Variants in EYS observed in about 807,000 individuals in gnomAD.
The protein encoded by EYS is EGF-like photoreceptor maintenance factor, also known as protein eyes shut homolog.
Under a neutral mutation model 282.1 loss-of-function variants are expected in EYS, and 250 were observed. The observed-to-expected ratio is 0.89, with a 90% CI of 0.80 to 0.98. The LOEUF is 0.98. Ranked by LOEUF, EYS falls within the 50% of genes least tolerant of loss-of-function variation. The pLI, the probability that EYS is intolerant of heterozygous loss-of-function variation, is 0.00. For synonymous variants in EYS, 1,355 were observed against 1,282.9 expected, an observed-to-expected ratio of 1.06 and a Z score of -1.20; for missense variants, 4,016 against 3,709.0, an observed-to-expected ratio of 1.08 and a Z score of -2.15.
intron 22 of EYS, among the ~76,000 whole-genome samples, chr6:64,764,977 A>G (rs1263312820): frequency 6.6e-6 from 1 of 152,062 alleles, no homozygotes; most frequent in Non-Finnish European, 1.5e-5. Flanking sequence ...CCTCAGATGT[A>G]CCACCTACCT....
At chr6:65,623,524 T>A (rs1392474619) in intron 2 of EYS, among the ~76,000 whole-genome samples, 1 of 152,136 alleles carries the variant, frequency 6.6e-6, no homozygotes, top group Non-Finnish European at 1.5e-5. Context: ...TTTTTATGAA[T>A]TTACACTTAC....
rs1554205545 is a variant in EYS, at chr6:65,517,347, A to AAT, written c.-332-21355_-332-21354insAT. 8.6e-4 allele frequency among the ~76,000 whole-genome samples: 130 copies of AAT among 151,634 alleles called. 1 individual carries two copies. The highest frequency in any genetic ancestry group is 2.8e-3 in the African/African-American group (116 of 41,352). On this transcript the variant is annotated intron_variant, in intron 2 of 42. Coordinates refer to ENST00000503581, the MANE Select transcript of EYS (RefSeq NM_001142800.2). ...GTTTTTTTCAAAACAACAACAAAAA[A>AAT]AAAACAAAAGCTCAAACCTTAAACC...
intron 9 of EYS, among the ~76,000 whole-genome samples, chr6:65,345,038 T>G (rs1290544409): frequency 6.6e-6 from 1 of 151,668 alleles, no homozygotes; most frequent in Non-Finnish European, 1.5e-5. Context: ...GAAAATAGAA[T>G]GTAAGCTATG....
chr6:64,547,678 C>T (rs1209522447), intron 26 of EYS, among the ~76,000 whole-genome samples: 1 of 152,242 alleles, frequency 6.6e-6, no homozygotes, highest in Non-Finnish European at 1.5e-5. Context: ...GGATCCCATA[C>T]TGGGGCTGCA....
intron 2 of EYS, among the ~76,000 whole-genome samples, chr6:65,552,866 T>A (rs1768649616): frequency 6.7e-6 from 1 of 149,074 alleles, no homozygotes; most frequent in Non-Finnish European, 1.5e-5. Context: ...TTCAAATTTG[T>A]GATCAGAGGC....
chr6:64,406,918 T>G (rs1289775052), intron 28 of EYS, among the ~76,000 whole-genome samples: 1 of 152,110 alleles, frequency 6.6e-6, no homozygotes, highest in African/African-American at 2.4e-5. Flanking sequence ...GATCTAGAAC[T>G]AGAAAATTGA....
At chr6:64,570,360 G>A (rs563800947) in intron 26 of EYS, among the ~76,000 whole-genome samples, 2 of 152,178 alleles carry the variant, frequency 1.3e-5, no homozygotes, top group African/African-American at 4.8e-5. Context: ...AAAAACCATC[G>A]ACACTATGAA....
At chr6:64,881,583 T>C (rs1003395256) in intron 19 of EYS, among the ~76,000 whole-genome samples, 2 of 151,846 alleles carry the variant, frequency 1.3e-5, no homozygotes, top group Non-Finnish European at 2.9e-5. Context: ...TAAGCTCCTT[T>C]AGGGTAGGGA....
intron 30 of EYS, among the ~76,000 whole-genome samples, chr6:64,290,566 A>G (rs1378359763): frequency 1.3e-5 from 2 of 152,022 alleles, no homozygotes; most frequent in Non-Finnish European, 2.9e-5. Flanking sequence ...CTCGCTTAGC[A>G]GTCTAATGCT....
At chr6:64,204,571 A>G (rs1046357706) in intron 31 of EYS, among the ~76,000 whole-genome samples, 2 of 152,158 alleles carry the variant, frequency 1.3e-5, no homozygotes, top group African/African-American at 4.8e-5. Flanking sequence ...TCTCAAAAAC[A>G]CGCTGCAAGA....
At chr6:65,604,217 G>A (rs893821660) in intron 2 of EYS, among the ~76,000 whole-genome samples, 3 of 151,786 alleles carry the variant, frequency 2.0e-5, no homozygotes, top group Non-Finnish European at 4.4e-5. Flanking sequence ...AATATGGGAG[G>A]GAGTTGATGT....
intron 24 of EYS, among the ~76,000 whole-genome samples, chr6:64,616,337 A>G (rs1430692845): frequency 6.6e-6 from 1 of 152,132 alleles, no homozygotes; most frequent in African/African-American, 2.4e-5. Context: ...CCAAAGATCT[A>G]TCGCTTTTGT....
chr6:63,908,012 GTA>G (rs57451331), intron 35 of EYS, among the ~76,000 whole-genome samples: 102,811 of 131,004 alleles, frequency 0.78, 41,015 homozygotes, highest in Admixed American at 0.86. Context: ...ACACACAAAC[GTA>G]TATATATATA....
At chr6:65,692,029 C>T (rs1053721093) in intron 1 of EYS, among the ~76,000 whole-genome samples, 2 of 149,956 alleles carry the variant, frequency 1.3e-5, no homozygotes, top group African/African-American at 4.9e-5. Context: ...CTTAAGAGTC[C>T]ATCAGTGGAT....
chr6:65,303,718 CA>C (rs1170832321), intron 11 of EYS: 1 of 549,424 alleles, frequency 1.8e-6, no homozygotes, highest in East Asian at 2.9e-5. Context: ...GAAGCTCCTC[CA>C]CTATCCGTAT....
intron 37 of EYS, among the ~76,000 whole-genome samples, chr6:63,793,711 G>A (rs74677423): frequency 0.012 from 1,814 of 152,096 alleles, 29 homozygotes; most frequent in African/African-American, 0.042. Flanking sequence ...TACCTTTAAC[G>A]GCATTTCTCC....
intron 5 of EYS, among the ~76,000 whole-genome samples, chr6:65,484,997 T>A (rs1765737217): frequency 6.6e-6 from 1 of 152,240 alleles, no homozygotes; most frequent in South Asian, 2.1e-4. Flanking sequence ...ATATTTACTA[T>A]CTAACTCTTT....
chr6:63,884,850 AT>A (rs1452969851), intron 35 of EYS, among the ~76,000 whole-genome samples: 3 of 151,920 alleles, frequency 2.0e-5, no homozygotes, highest in Non-Finnish European at 2.9e-5. Flanking sequence ...TTTTTTGAAA[AT>A]GTACCTTTTT....
intron 26 of EYS, among the ~76,000 whole-genome samples, chr6:64,554,381 A>T (rs566999062): frequency 6.6e-6 from 1 of 152,188 alleles, no homozygotes; most frequent in South Asian, 2.1e-4. Flanking sequence ...CCTGGGGTGA[A>T]GAAATGAGTC....
Sources: allele counts gnomAD v4.1 joint callset (sites outside exome capture counted in the v4.1 genomes callset), GRCh38; gene constraint gnomAD v4.1.1; transcripts MANE v1.5; gene names NCBI Gene and HGNC (gene_info 2026-07-23, HGNC 2026-07-21).